The following NTRK3 variants were observed in gnomAD, a reference collection of about 807,000 sequenced individuals.
NTRK3 encodes the protein NT-3 growth factor receptor.
NTRK3 carries 24 observed loss-of-function variants against 91.7 expected under a neutral mutation model. The observed-to-expected ratio is 0.26, with a 90% CI of 0.19 to 0.37. The LOEUF (loss-of-function observed/expected upper bound fraction) is 0.37. Ranked by LOEUF, NTRK3 falls within the 10% of genes least tolerant of loss-of-function variation. The pLI is 1.00. For missense variants in NTRK3, 880 were observed against 1,068.9 expected (o/e 0.82, Z 2.46); for synonymous variants, 483 against 404.0 (o/e 1.20, Z -2.34).
chr15:87,930,393 CCT>C (rs1331589872), intron 16 of NTRK3, among the ~76,000 whole-genome samples: 2 of 152,140 alleles, frequency 1.3e-5, no homozygotes, highest in Non-Finnish European at 2.9e-5. Flanking sequence ...TACAGCAAGG[CCT>C]CTGCCTGCTT....
chr15:88,255,933 G>A lies in NTRK3; in HGVS notation c.221C>T (p.Thr74Met), dbSNP rs2054015509. 1 of 1,613,104 alleles carries A rather than the reference G, an allele frequency of 6.2e-7. No homozygotes were observed. The highest frequency in any genetic ancestry group is 8.5e-7 in the Non-Finnish European group (1 of 1,179,474). The change falls in exon 3 of 19, where the codon ACG becomes ATG. Residue 74 changes from threonine to methionine, a missense_variant. This residue lies in a region of NTRK3 where 743 missense variants were observed against 868.6 expected (regional missense o/e 0.86). Transcript: ENST00000394480. The surrounding 1 kb of genome is among the most constrained non-coding windows in gnomAD (Gnocchi z 4.3). ...GGAAGTGATATTCCTTGAGATGTCC[G>A]TGATGTTGATACTGGCGTTCCCATT... is the stretch of plus-strand genomic sequence containing the variant.
chr15:87,965,833 T>A (rs1388381135), intron 14 of NTRK3, among the ~76,000 whole-genome samples: 1 of 152,256 alleles, frequency 6.6e-6, no homozygotes. Context: ...ATCCCAGCAC[T>A]TTGGGAGGCC....
chr15:88,194,116 C>T (rs552738196), intron 3 of NTRK3, among the ~76,000 whole-genome samples: 20 of 152,352 alleles, frequency 1.3e-4, no homozygotes, highest in Admixed American at 1.1e-3. Context: ...CTCTTTCTTC[C>T]TTGAAACATT....
chr15:88,089,434 G>T (rs2048807802), intron 13 of NTRK3, among the ~76,000 whole-genome samples: 1 of 152,132 alleles, frequency 6.6e-6, no homozygotes, highest in African/African-American at 2.4e-5. Context: ...TGAATAACTG[G>T]GAATAAGTAA....
intron 10 of NTRK3, among the ~76,000 whole-genome samples, chr15:88,130,918 T>C (rs2041271374): frequency 6.6e-6 from 1 of 152,204 alleles, no homozygotes; most frequent in Non-Finnish European, 1.5e-5. Flanking sequence ...CTGGTTTCGA[T>C]CATTGCATCG....
chr15:88,177,363 G>C (rs767484179), intron 5 of NTRK3, among the ~76,000 whole-genome samples: 1 of 152,162 alleles, frequency 6.6e-6, no homozygotes, highest in Non-Finnish European at 1.5e-5. Flanking sequence ...TAAGTTAGAA[G>C]GCTACTGTCA....
intron 3 of NTRK3, chr15:88,253,187 A>G (rs1423934932): frequency 6.6e-6 from 1 of 152,262 alleles, no homozygotes; most frequent in East Asian, 1.9e-4. Flanking sequence ...GTAGGGAGCT[A>G]GGGGACCTCT....
At chr15:87,919,978 A>T (rs1444206233) in intron 17 of NTRK3, among the ~76,000 whole-genome samples, 1 of 152,174 alleles carries the variant, frequency 6.6e-6, no homozygotes, top group African/African-American at 2.4e-5. Flanking sequence ...CTTCTCACTT[A>T]TTATTACACA....
intron 13 of NTRK3, among the ~76,000 whole-genome samples, chr15:88,088,779 G>A (rs1358578112): frequency 2.0e-5 from 3 of 152,216 alleles, no homozygotes; most frequent in East Asian, 3.9e-4. Flanking sequence ...TCCTATCTTG[G>A]AAGGCCCTAT....
At chr15:87,932,465 T>C (rs1486599422) in intron 16 of NTRK3, among the ~76,000 whole-genome samples, 1 of 152,220 alleles carries the variant, frequency 6.6e-6, no homozygotes, top group Non-Finnish European at 1.5e-5. Context: ...GTGGACACTG[T>C]ACTGTACAGT....
chr15:88,092,974 T>G (rs1254122859), intron 13 of NTRK3, among the ~76,000 whole-genome samples: 2 of 151,932 alleles, frequency 1.3e-5, no homozygotes, highest in African/African-American at 2.4e-5. Flanking sequence ...CAAAGACCCT[T>G]TCCCTGTACA....
At chr15:88,103,933 T>C (rs1301893350) in intron 13 of NTRK3, among the ~76,000 whole-genome samples, 2 of 152,238 alleles carry the variant, frequency 1.3e-5, no homozygotes, top group African/African-American at 4.8e-5. Context: ...TGGACAATTC[T>C]ACACTAGAGA....
intron 3 of NTRK3, among the ~76,000 whole-genome samples, chr15:88,247,600 A>G (rs538374226): frequency 2.0e-4 from 31 of 152,332 alleles, no homozygotes; most frequent in Non-Finnish European, 3.5e-4. Flanking sequence ...TCTGAACATG[A>G]CAGTGACCCT....
chr15:88,236,679 C>T (rs1215842801), intron 3 of NTRK3, among the ~76,000 whole-genome samples: 4 of 115,958 alleles, frequency 3.4e-5, no homozygotes, highest in Non-Finnish European at 7.6e-5. Context: ...AAAAAAAAAA[C>T]TACATATTGG....
At chr15:88,142,649 G>A (rs775841647) in intron 6 of NTRK3, among the ~76,000 whole-genome samples, 15 of 152,214 alleles carry the variant, frequency 9.9e-5, no homozygotes, top group Non-Finnish European at 1.8e-4. Flanking sequence ...AAAGGATGGA[G>A]CCATCAGCAC....
intron 13 of NTRK3, among the ~76,000 whole-genome samples, chr15:88,088,291 C>T (rs2048693789): frequency 6.6e-6 from 1 of 152,120 alleles, no homozygotes; most frequent in African/African-American, 2.4e-5. Context: ...CTATGTTTAA[C>T]ATAGTAATCA....
At chr15:88,136,418 T>G (rs770615329) in intron 8 of NTRK3, 49 bp downstream of exon 8, 1 of 1,613,250 alleles carries the variant, frequency 6.2e-7, no homozygotes, top group African/African-American at 1.3e-5. Flanking sequence ...AAGACTACAG[T>G]GTGATCACTC....
At chr15:87,966,698 T>C (rs2072827624) in intron 14 of NTRK3, among the ~76,000 whole-genome samples, 1 of 152,140 alleles carries the variant, frequency 6.6e-6, no homozygotes, top group Non-Finnish European at 1.5e-5. Flanking sequence ...CTGAGAGCTG[T>C]TTGGGTAAGG....
intron 13 of NTRK3, among the ~76,000 whole-genome samples, chr15:88,122,550 A>G (rs1023650120): frequency 5.3e-5 from 8 of 152,218 alleles, no homozygotes; most frequent in African/African-American, 1.7e-4. Flanking sequence ...TCCCAAACTA[A>G]AGCAGTAAAT....
Sources: gnomAD v4.1 joint callset for allele counts (sites outside exome capture counted in the v4.1 genomes callset) on GRCh38, gnomAD v4.1.1 for gene constraint, gnomAD v4.1.1 regional missense constraint, Gnocchi (gnomAD v3.1) non-coding constraint, MANE v1.5 for transcripts, NCBI Gene and HGNC (gene_info 2026-07-23, HGNC 2026-07-21) for gene names.